Variants in DNAJC27 observed in about 807,000 individuals in gnomAD.
The protein encoded by DNAJC27 is dnaJ homolog subfamily C member 27.
A neutral mutation model predicts 31.4 loss-of-function variants in DNAJC27; 25 were observed. The observed-to-expected ratio is 0.80, with a 90% CI of 0.58 to 1.11. The LOEUF (loss-of-function observed/expected upper bound fraction) is 1.11. Ranked by LOEUF, DNAJC27 falls within the 50% of genes most tolerant of loss-of-function variation. DNAJC27 has a pLI of 0.00. For missense variants in DNAJC27, 356 were observed against 347.3 expected, an observed-to-expected ratio of 1.02 and a Z score of -0.20; for synonymous variants, 106 against 112.7, an observed-to-expected ratio of 0.94 and a Z score of 0.37.
rs144289414 is a variant in DNAJC27, at chr2:24,969,027, T to G, written c.88-1734A>C. 4.4e-3 allele frequency: 706 copies of G among 161,470 alleles called. 8 individuals are homozygous for G. Among genetic ancestry groups the G allele is most frequent in the African/African-American group, 0.016 (684 of 41,832 alleles). 10.0% of individuals were successfully genotyped at this position (161,470 alleles called of 1,614,324 possible). Reference sequence around the variant, plus strand: ...GAGCCAAAGGGTGACTCTACCTCTCTATCAGAATCAGACAGAATTTACCAT... The same window carrying G: ...GAGCCAAAGGGTGACTCTACCTCTCGATCAGAATCAGACAGAATTTACCAT... On this transcript the variant is annotated intron_variant, in intron 1 of 6. Coordinates refer to ENST00000264711, the MANE Select transcript of DNAJC27 (RefSeq NM_016544.3).
intron 5 of DNAJC27, among the ~76,000 whole-genome samples, chr2:24,953,242 T>A (rs1280519591): frequency 6.6e-6 from 1 of 152,238 alleles, no homozygotes; most frequent in East Asian, 1.9e-4. Context: ...GTTCCTGTTA[T>A]CTTCTAAAAT....
At chr2:24,953,334 C>G (rs977732109) in intron 5 of DNAJC27, among the ~76,000 whole-genome samples, 1 of 152,116 alleles carries the variant, frequency 6.6e-6, no homozygotes, top group Non-Finnish European at 1.5e-5. Context: ...GCCTTGACGT[C>G]TGAAAAGGGG....
In DNAJC27 at chr2:24,944,922, C is replaced by G. The variant is rs1419035752; in HGVS notation, c.*2694G>C. On this transcript the variant is annotated 3_prime_UTR_variant, in exon 7 of 7. Coordinates refer to ENST00000264711, the MANE Select transcript of DNAJC27 (RefSeq NM_016544.3). The stretch of plus-strand genomic sequence containing the variant: ...TGGCTTTTCTTTAATAATAGCTATT[C>G]AAACTTTTTATTCTTTTTTGAAAAA... 6.6e-6 allele frequency: 1 copy of G among 152,526 alleles called. No individual in the cohort carries two copies. The highest frequency in any genetic ancestry group is 2.4e-5 in the African/African-American group (1 of 41,408). 9.4% of individuals were successfully genotyped at this position (152,526 alleles called of 1,614,324 possible).
intron 1 of DNAJC27, chr2:24,969,438 G>T: frequency 5.3e-6 from 1 of 188,658 alleles, no homozygotes; most frequent in Non-Finnish European, 1.1e-5. Context: ...AAATCTTTCT[G>T]GTGGAAACTG....
intron 3 of DNAJC27, 134 bp downstream of exon 3, chr2:24,963,271 A>C (rs1666093282): frequency 5.2e-6 from 3 of 572,002 alleles, no homozygotes; most frequent in Non-Finnish European, 6.0e-6. Context: ...AAGGCTCTGA[A>C]GGCAAGCCAC....
intron 5 of DNAJC27, 77 bp from the exon 6 acceptor site, chr2:24,951,631 G>A: frequency 2.3e-6 from 3 of 1,322,312 alleles, no homozygotes; most frequent in Non-Finnish European, 3.1e-6. Flanking sequence ...CAACTTAAAA[G>A]ACTTTTAATA....
At chr2:24,957,258 G>A in intron 4 of DNAJC27, 93 bp from the exon 5 acceptor site, 1 of 1,381,304 alleles carries the variant, frequency 7.2e-7, no homozygotes, top group South Asian at 1.6e-5. Context: ...CTTTACTAAG[G>A]CAAAGCTATT....
chr2:24,961,268 C>T lies in DNAJC27; in HGVS notation c.240+2137G>A, dbSNP rs113607532. Among the ~76,000 whole-genome samples, 124 of 152,100 alleles carry T rather than the reference C, an allele frequency of 8.2e-4. 2 individuals are homozygous for T. Among genetic ancestry groups the T allele is most frequent in the Middle Eastern group, 3.2e-3 (1 of 316 alleles). On this transcript the variant is annotated intron_variant, in intron 3 of 6. Transcript: ENST00000264711. ...AGCATAGTTTACTGAATATTTTAAG[C>T]CCACTACTGAGACCTACTACTCAGA...
chr2:24,960,223 T>C (rs189526385), intron 3 of DNAJC27, among the ~76,000 whole-genome samples: 31 of 152,328 alleles, frequency 2.0e-4, no homozygotes, highest in African/African-American at 7.5e-4. Flanking sequence ...CTGTGATCAG[T>C]GATATCTGTT....
At chr2:24,969,727 C>T (rs1174732784) in intron 1 of DNAJC27, among the ~76,000 whole-genome samples, 7 of 152,214 alleles carry the variant, frequency 4.6e-5, no homozygotes, top group Admixed American at 4.6e-4. Flanking sequence ...AATCCACCTG[C>T]CTCTGCCTCC....
In DNAJC27 at chr2:24,947,758, G is replaced by C; in HGVS notation, c.690-10C>G. The stretch of plus-strand genomic sequence containing the variant: ...TTTATTGACTTCATCCCTGGGAAAA[G>C]AAGCCAAGATCTATGTTAGTAACAG... On this transcript the variant is annotated splice_polypyrimidine_tract_variant and intron_variant, in intron 6 of 6. Coordinates refer to ENST00000264711, the MANE Select transcript of DNAJC27 (RefSeq NM_016544.3). 6.2e-7 allele frequency: 1 copy of C among 1,609,920 alleles called. No individual in the cohort carries two copies. Among genetic ancestry groups the C allele is most frequent in the East Asian group, 2.2e-5 (1 of 44,806 alleles).
chr2:24,965,298 C>T (rs1185017268), intron 2 of DNAJC27, among the ~76,000 whole-genome samples: 1 of 151,632 alleles, frequency 6.6e-6, no homozygotes, highest in Non-Finnish European at 1.5e-5. Context: ...CTCTGTTGCC[C>T]AGGCTGGAGT....
intron 1 of DNAJC27, among the ~76,000 whole-genome samples, chr2:24,969,730 C>T (rs1410232867): frequency 6.6e-6 from 1 of 152,224 alleles, no homozygotes; most frequent in East Asian, 1.9e-4. Flanking sequence ...CCACCTGCCT[C>T]TGCCTCCCAA....
At chr2:24,968,017 A>T (rs996089724) in intron 1 of DNAJC27, among the ~76,000 whole-genome samples, 12 of 148,636 alleles carry the variant, frequency 8.1e-5, no homozygotes, top group African/African-American at 2.7e-4. Flanking sequence ...ATGCCACTGC[A>T]CTCCAGCCTG....
At position 24,967,211 on chromosome 2, in the gene DNAJC27, T is replaced by C. The variant is rs1332821364; in HGVS notation, c.170A>G (p.Lys57Arg). The stretch of plus-strand genomic sequence containing the variant: ...AAACCCAGGGAAACAATATACTTAC[T>C]TTGTGACTCCATAGTCAATTCCAAT... ...ATIGIDYGVTKVHVRDREIKV... is the reference protein window; with the variant it reads ...ATIGIDYGVTRVHVRDREIKV... The change falls in exon 2 of 7, where the codon AAG becomes AGG. Residue 57 changes from lysine to arginine, a missense_variant and splice_region_variant. Transcript: ENST00000264711. 4 of 1,611,486 alleles carry C rather than the reference T, an allele frequency of 2.5e-6. No homozygotes were observed. Among genetic ancestry groups the C allele is most frequent in the Non-Finnish European group, 3.4e-6 (4 of 1,177,882 alleles).
chr2:24,954,391 AAGGCT>A (rs1177223548), intron 5 of DNAJC27, among the ~76,000 whole-genome samples: 3 of 152,182 alleles, frequency 2.0e-5, no homozygotes, highest in African/African-American at 7.2e-5. Context: ...GCACCACAGA[AAGGCT>A]GTGCCCTAAA....
rs1362942109 is a variant in DNAJC27, at chr2:24,945,965, G to A, written c.*1651C>T. The A allele has an allele frequency of 6.6e-6, 1 of 152,122 alleles. No homozygotes were observed. Among genetic ancestry groups the A allele is most frequent in the Non-Finnish European group, 1.5e-5 (1 of 68,030 alleles). 9.4% of individuals were successfully genotyped at this position (152,122 alleles called of 1,614,324 possible). A position where few individuals can be genotyped will look rare whatever the true frequency, so the allele number is the denominator to read the frequency against. On this transcript the variant is annotated 3_prime_UTR_variant, in exon 7 of 7. Transcript: ENST00000264711. Reference sequence around the variant, plus strand: ...TGGGATAGCTTTTTAAAATTCACAGGACAGGAAGATTTTATATACTTTCAA... The same window carrying A: ...TGGGATAGCTTTTTAAAATTCACAGAACAGGAAGATTTTATATACTTTCAA...
At chr2:24,963,925 T>C (rs939933003) in intron 2 of DNAJC27, among the ~76,000 whole-genome samples, 7 of 152,274 alleles carry the variant, frequency 4.6e-5, no homozygotes, top group African/African-American at 1.4e-4. Context: ...TGACGTCTGT[T>C]TAATTTTCTT....
intron 5 of DNAJC27, among the ~76,000 whole-genome samples, chr2:24,956,255 TATATTC>T (rs1366985866): frequency 6.6e-6 from 1 of 152,230 alleles, no homozygotes; most frequent in African/African-American, 2.4e-5. Context: ...AAATATCAGA[TATATTC>T]ATAAGAAGAA....
Sources: gnomAD v4.1 joint callset for allele counts (sites outside exome capture counted in the v4.1 genomes callset) on GRCh38, gnomAD v4.1.1 for gene constraint, MANE v1.5 for transcripts, NCBI Gene and HGNC (gene_info 2026-07-23, HGNC 2026-07-21) for gene names.